The following SLC24A2 variants were observed in gnomAD, a reference collection of about 807,000 sequenced individuals.
The protein encoded by SLC24A2 is solute carrier family 24 member 2.
Under a neutral mutation model 62.0 loss-of-function variants are expected in SLC24A2, and 36 were observed. The ratio of observed to expected loss-of-function variants is 0.58; its 90% CI spans 0.44 to 0.77. The LOEUF (loss-of-function observed/expected upper bound fraction) is 0.77. Among genes scored for constraint, SLC24A2 ranks in the 30% least tolerant of loss-of-function variants. The pLI, the probability that SLC24A2 is intolerant of heterozygous loss-of-function variation, is 0.00. For synonymous variants in SLC24A2, 358 were observed against 294.0 expected (o/e 1.22, Z -2.23); for missense variants, 846 against 817.9 (o/e 1.03, Z -0.42).
the SLC24A2 span, among the ~76,000 whole-genome samples, chr9:19,960,026 C>T: frequency 6.6e-6 from 1 of 152,144 alleles, no homozygotes; most frequent in Non-Finnish European, 1.5e-5. Flanking sequence ...ATTACAACTA[C>T]CCTTTTCTAA....
the SLC24A2 span, among the ~76,000 whole-genome samples, chr9:20,246,753 G>A: frequency 6.6e-6 from 1 of 152,224 alleles, no homozygotes; most frequent in African/African-American, 2.4e-5. Context: ...AGCAACTGCA[G>A]TTGTACTGTC....
chr9:20,090,105 G>C, the SLC24A2 span, among the ~76,000 whole-genome samples: 6 of 152,204 alleles, frequency 3.9e-5, no homozygotes, highest in Non-Finnish European at 7.4e-5. Flanking sequence ...GCTGACCCAA[G>C]GAGAGGAAGC....
intron 7 of SLC24A2, among the ~76,000 whole-genome samples, chr9:19,563,843 TCCC>T (rs1835537677): frequency 1.3e-5 from 1 of 74,592 alleles, no homozygotes; most frequent in Non-Finnish European, 2.4e-5. Context: ...CCTCCCTCCC[TCCC>T]TCCCTCCCTC....
At chr9:19,761,547 A>T (rs1323012237) in intron 2 of SLC24A2, among the ~76,000 whole-genome samples, 1 of 151,896 alleles carries the variant, frequency 6.6e-6, no homozygotes, top group African/African-American at 2.4e-5. Flanking sequence ...TTTGTTACGT[A>T]TGTATACATG....
In SLC24A2 at chr9:19,689,149, A is replaced by T. The variant is rs764654577; in HGVS notation, c.931-66850T>A. 1.2e-4 allele frequency among the ~76,000 whole-genome samples: 18 copies of T among 152,282 alleles called. 1 individual carries two copies. The highest frequency in any genetic ancestry group is 3.4e-3 in the Middle Eastern group (1 of 294). ...ATCATTGCCATTTTACAGATAAGGTAACTGAGGCTGAGTGAAGTGAATTAA... is the reference window on the plus strand; with the variant it reads ...ATCATTGCCATTTTACAGATAAGGTTACTGAGGCTGAGTGAAGTGAATTAA... On this transcript the variant is annotated intron_variant, in intron 2 of 10. Transcript: ENST00000341998.
At chr9:19,523,206 A>C (rs1466814776) in intron 9 of SLC24A2, among the ~76,000 whole-genome samples, 1 of 152,174 alleles carries the variant, frequency 6.6e-6, no homozygotes, top group Non-Finnish European at 1.5e-5. Context: ...ATATACAGGA[A>C]AACATAGGAA....
chr9:20,295,081 CAT>C, the SLC24A2 span, among the ~76,000 whole-genome samples: 13,646 of 151,190 alleles, frequency 0.09, 1,236 homozygotes, highest in East Asian at 0.25. Context: ...CACACACACA[CAT>C]ACACAGTGTG....
the SLC24A2 span, among the ~76,000 whole-genome samples, chr9:20,186,474 A>G: frequency 6.6e-6 from 1 of 152,060 alleles, no homozygotes; most frequent in Non-Finnish European, 1.5e-5. Flanking sequence ...CAGATTCTCA[A>G]CCACTTTGCC....
chr9:19,560,679 G>A lies in SLC24A2; in HGVS notation c.1348-10411C>T, dbSNP rs574918435. ...AAGTCTCTGGTATTTTTTTCTGGCAGCCCCAGTAGGCTAATACAATGCCCA... is the reference window on the plus strand; with the variant it reads ...AAGTCTCTGGTATTTTTTTCTGGCAACCCCAGTAGGCTAATACAATGCCCA... On this transcript the variant is annotated intron_variant, in intron 7 of 10. Coordinates refer to ENST00000341998, the MANE Select transcript of SLC24A2 (RefSeq NM_020344.4). Among the ~76,000 whole-genome samples the A allele has an allele frequency of 7.3e-4, 111 of 152,228 alleles. 1 individual carries two copies. The highest frequency in any genetic ancestry group is 2.5e-3 in the African/African-American group (104 of 41,548).
chr9:19,526,599 T>C (rs147162910), intron 9 of SLC24A2, among the ~76,000 whole-genome samples: 198 of 152,360 alleles, frequency 1.3e-3, no homozygotes, highest in Admixed American at 2.0e-3. Context: ...CTTTAATTAA[T>C]AATGATGTTG....
chr9:19,776,094 T>C (rs569394350), intron 2 of SLC24A2, among the ~76,000 whole-genome samples: 37 of 152,342 alleles, frequency 2.4e-4, no homozygotes, highest in African/African-American at 8.9e-4. Context: ...TGTGCATGCA[T>C]GTGCACATAC....
intron 8 of SLC24A2, among the ~76,000 whole-genome samples, chr9:19,533,392 C>T (rs1157194707): frequency 2.6e-5 from 4 of 152,204 alleles, no homozygotes; most frequent in Non-Finnish European, 1.5e-5. Flanking sequence ...CAATACTTTG[C>T]TGCTCCTCTC....
the SLC24A2 span, among the ~76,000 whole-genome samples, chr9:20,253,512 A>G: frequency 2.6e-5 from 4 of 152,310 alleles, no homozygotes; most frequent in East Asian, 3.9e-4. Context: ...TCCAAGGCCA[A>G]TGATCCAGGG....
the SLC24A2 span, among the ~76,000 whole-genome samples, chr9:19,883,030 C>G: frequency 2.0e-5 from 3 of 152,174 alleles, no homozygotes; most frequent in Non-Finnish European, 4.4e-5. Flanking sequence ...AGCCTTCATG[C>G]TGTGCGTTAG....
chr9:19,914,414 C>T, the SLC24A2 span, among the ~76,000 whole-genome samples: 111 of 152,184 alleles, frequency 7.3e-4, no homozygotes, highest in African/African-American at 2.6e-3. Context: ...GTCCAAATTC[C>T]TCTCAATTGC....
the SLC24A2 span, among the ~76,000 whole-genome samples, chr9:20,228,327 C>T: frequency 6.6e-6 from 1 of 152,046 alleles, no homozygotes; most frequent in Admixed American, 6.6e-5. Flanking sequence ...AAGCTCTGTT[C>T]CAGCTCTCAC....
upstream of SLC24A2, among the ~76,000 whole-genome samples, chr9:19,790,830 T>C (rs1823310718): frequency 6.6e-6 from 1 of 152,226 alleles, no homozygotes; most frequent in African/African-American, 2.4e-5. Context: ...TGCCTCTGGC[T>C]ACATGGGGTG....
At chr9:19,757,704 T>G (rs1822187674) in intron 2 of SLC24A2, among the ~76,000 whole-genome samples, 1 of 152,198 alleles carries the variant, frequency 6.6e-6, no homozygotes, top group Non-Finnish European at 1.5e-5. Context: ...TTATTTGTCT[T>G]CACCAAAATT....
chr9:20,138,239 A>G, the SLC24A2 span, among the ~76,000 whole-genome samples: 15,058 of 152,158 alleles, frequency 0.099, 1,238 homozygotes, highest in East Asian at 0.39. Flanking sequence ...TCTAGGGACT[A>G]TTTTCCAAAT....
Sources: gnomAD v4.1 joint callset for allele counts (sites outside exome capture counted in the v4.1 genomes callset) on GRCh38, gnomAD v4.1.1 for gene constraint, MANE v1.5 for transcripts, NCBI Gene and HGNC (gene_info 2026-07-23, HGNC 2026-07-21) for gene names.